The following OTOGL variants were observed in gnomAD, a reference collection of about 807,000 sequenced individuals.
OTOGL encodes the protein otogelin-like protein.
In OTOGL, 285 loss-of-function variants were observed where a neutral mutation model predicts 318.5. That is an observed-to-expected ratio of 0.89 (90% CI 0.81 to 0.99). The LOEUF is 0.99. OTOGL is among the 50% of genes least tolerant of loss of function. OTOGL has a pLI of 0.00. For synonymous variants in OTOGL, 987 were observed against 936.5 expected (o/e 1.05, Z -0.99); for missense variants, 2,899 against 2,845.6 (o/e 1.02, Z -0.43).
chr12:80,358,394 G>GT lies in OTOGL; in HGVS notation c.6121+48dup, dbSNP rs146138915. On this transcript the variant is annotated intron_variant, in intron 50 of 58. Coordinates refer to ENST00000547103, the MANE Select transcript of OTOGL (RefSeq NM_001378609.3). ...TCTAAAATATTTAGATGTGTCCAAT[G>GT]TTTAAGAAGCCCAGTGCATCTTAGT... 97,337 of 1,429,304 alleles carry GT rather than the reference G, an allele frequency of 0.068. 3,843 individuals carry two copies. Among genetic ancestry groups the GT allele is most frequent in the Middle Eastern group, 0.14 (711 of 5,096 alleles). 88.5% of individuals were successfully genotyped at this position (1,429,304 alleles called of 1,614,324 possible). A position where few individuals can be genotyped will look rare whatever the true frequency, so the allele number is the denominator to read the frequency against.
At chr12:80,270,042 A>AG in intron 22 of OTOGL, 60 bp from the exon 23 acceptor site, 1 of 1,170,528 alleles carries the variant, frequency 8.5e-7, no homozygotes, top group Non-Finnish European at 1.2e-6. Context: ...GTCGAAATTC[A>AG]GGGAAAAAAA....
intron 55 of OTOGL, among the ~76,000 whole-genome samples, 176 bp downstream of exon 55, chr12:80,368,485 G>A (rs1890692266): frequency 6.6e-6 from 1 of 151,462 alleles, no homozygotes; most frequent in Non-Finnish European, 1.5e-5. Flanking sequence ...GATAATTTAT[G>A]TTGTAAAGAA....
chr12:80,377,952 A>G lies in OTOGL; in HGVS notation c.6966A>G (p.Val2322=). ...RFCKCCRENG[V]RNLSVPLYCS... is the part of the protein sequence containing the mutation. ...GCAAGTGTTGTCGTGAAAATGGAGT[A>G]CGAAACTTGTCTGTGCCTCTGTATT... Residue 2322 remains valine (V), a synonymous_variant, in exon 59 of 59, where the codon GTA becomes GTG. Coordinates refer to ENST00000547103, the MANE Select transcript of OTOGL (RefSeq NM_001378609.3). 6.2e-7 allele frequency: 1 copy of G among 1,609,370 alleles called. No homozygotes were observed. The highest frequency in any genetic ancestry group is 8.5e-7 in the Non-Finnish European group (1 of 1,177,460).
intron 18 of OTOGL, among the ~76,000 whole-genome samples, chr12:80,261,684 G>A (rs1334560541): frequency 1.3e-5 from 2 of 152,070 alleles, no homozygotes; most frequent in Non-Finnish European, 2.9e-5. Context: ...ATTTCTCGGA[G>A]ATTCTGCTTT....
chr12:80,320,792 G>C, intron 34 of OTOGL, 92 bp downstream of exon 34: 4 of 1,298,790 alleles, frequency 3.1e-6, no homozygotes, highest in Non-Finnish European at 4.1e-6. Context: ...CATTCTTACT[G>C]CATATAAGCA....
chr12:80,135,266 T>TCCCCC (rs1871485583), intron 1 of OTOGL, among the ~76,000 whole-genome samples: 1 of 18,740 alleles, frequency 5.3e-5, no homozygotes, highest in Non-Finnish European at 1.1e-4. Context: ...TCCCCTCCCC[T>TCCCCC]CCCCTCCCCT....
intron 49 of OTOGL, 62 bp downstream of exon 49, chr12:80,356,976 T>C (rs1889947887): frequency 9.5e-7 from 1 of 1,052,632 alleles, no homozygotes; most frequent in Non-Finnish European, 1.3e-6. Flanking sequence ...AAATCTCTTA[T>C]TTGATGTGAA....
intron 1 of OTOGL, among the ~76,000 whole-genome samples, chr12:80,190,728 A>C (rs1215226121): frequency 7.1e-6 from 1 of 141,270 alleles, no homozygotes; most frequent in Non-Finnish European, 1.5e-5. Flanking sequence ...CGGAGCTTGC[A>C]GTGAGCCGGG....
intron 31 of OTOGL, 80 bp downstream of exon 31, chr12:80,313,712 A>G: frequency 8.0e-7 from 1 of 1,248,444 alleles, no homozygotes; most frequent in African/African-American, 1.5e-5. Flanking sequence ...GCTTAGAAAT[A>G]ATGCCAGGAG....
At chr12:80,209,047 A>G (rs1441187711) in intron 1 of OTOGL, among the ~76,000 whole-genome samples, 2 of 152,236 alleles carry the variant, frequency 1.3e-5, no homozygotes, top group East Asian at 1.9e-4. Context: ...TAGATCAACC[A>G]TTAGGAATAA....
chr12:80,338,943 C>A, intron 42 of OTOGL, 132 bp from the exon 43 acceptor site: 1 of 720,264 alleles, frequency 1.4e-6, no homozygotes, highest in Non-Finnish European at 2.2e-6. Flanking sequence ...GCTGTGGCAG[C>A]AGTAAGAAAT....
chr12:80,194,347 G>A (rs1465326902), intron 1 of OTOGL, among the ~76,000 whole-genome samples: 2 of 152,096 alleles, frequency 1.3e-5, no homozygotes, highest in African/African-American at 2.4e-5. Context: ...TAATGCTTGG[G>A]CAGAGTTAGT....
intron 19 of OTOGL, among the ~76,000 whole-genome samples, chr12:80,264,653 G>A (rs1882802480): frequency 6.6e-6 from 1 of 152,092 alleles, no homozygotes; most frequent in South Asian, 2.1e-4. Flanking sequence ...GTTATATGTG[G>A]ATGTCTGGAA....
intron 1 of OTOGL, among the ~76,000 whole-genome samples, chr12:80,106,584 CTT>C (rs1370121404): frequency 6.6e-6 from 1 of 152,150 alleles, no homozygotes; most frequent in Non-Finnish European, 1.5e-5. Flanking sequence ...GAGTTGAAGA[CTT>C]TTGCAGCCAT....
intron 1 of OTOGL, among the ~76,000 whole-genome samples, chr12:80,106,624 C>T (rs1420245933): frequency 6.6e-6 from 1 of 152,140 alleles, no homozygotes; most frequent in African/African-American, 2.4e-5. Flanking sequence ...CACACATACA[C>T]AAGTGTGTGC....
At chr12:80,198,407 A>G (rs1428632003) in intron 1 of OTOGL, among the ~76,000 whole-genome samples, 1 of 152,180 alleles carries the variant, frequency 6.6e-6, no homozygotes, top group East Asian at 1.9e-4. Context: ...CAACATGGTG[A>G]AACCCCATCT....
rs372779431 is a variant in OTOGL, at chr12:80,108,830, T to C, written c.-20+9225T>C. Among the ~76,000 whole-genome samples, 24 of 116,642 alleles carry C rather than the reference T, an allele frequency of 2.1e-4. No individual in the cohort carries two copies. The East Asian group carries it at 3.4e-3, about 16-fold the overall frequency. The allele number at this position is 116,642 out of a possible 152,430, so 76.5% of individuals were successfully genotyped here. On this transcript the variant is annotated intron_variant, in intron 1 of 58. Transcript: ENST00000547103. The stretch of plus-strand genomic sequence containing the variant: ...ATATATATGTGTATATATATGTATA[T>C]ATATTGTATATATATGTGTATATAT...
At chr12:80,255,003 C>CTTTTCTTTTTCTTTG (rs1555285897) in intron 15 of OTOGL, 37 bp from the exon 16 acceptor site, 1 of 1,401,702 alleles carries the variant, frequency 7.1e-7, no homozygotes, top group Non-Finnish European at 9.3e-7. Context: ...TCTCCACCTC[C>CTTTTCTTTTTCTTTG]TTTTCTTTTT....
intron 5 of OTOGL, among the ~76,000 whole-genome samples, chr12:80,218,244 A>G (rs543750578): frequency 3.2e-4 from 49 of 152,322 alleles, no homozygotes; most frequent in African/African-American, 1.2e-3. Context: ...TAGTGGAAAA[A>G]ACTGCATTTA....
Sources: gnomAD v4.1 joint callset for allele counts (sites outside exome capture counted in the v4.1 genomes callset) on GRCh38, gnomAD v4.1.1 for gene constraint, MANE v1.5 for transcripts, NCBI Gene and HGNC (gene_info 2026-07-23, HGNC 2026-07-21) for gene names.